CAMKMT: variants seen among roughly 807,000 people sequenced by gnomAD.
CAMKMT encodes the protein calmodulin-lysine N-methyltransferase.
Under a neutral mutation model 48.0 loss-of-function variants are expected in CAMKMT, and 53 were observed. That is an observed-to-expected ratio of 1.10 (90% CI 0.89 to 1.39). The LOEUF (loss-of-function observed/expected upper bound fraction) is 1.39. Among genes scored for constraint, CAMKMT ranks in the 40% most tolerant of loss-of-function variants. The probability of loss-of-function intolerance (pLI) is 0.00; values close to 1 mark genes in which losing one functional copy is unlikely to be tolerated. For synonymous variants in CAMKMT, 165 were observed against 152.3 expected (o/e 1.08, Z -0.61); for missense variants, 428 against 402.7 (o/e 1.06, Z -0.54).
At chr2:44,712,082 G>A (rs1320275635) in intron 6 of CAMKMT, among the ~76,000 whole-genome samples, 1 of 151,914 alleles carries the variant, frequency 6.6e-6, no homozygotes, top group Non-Finnish European at 1.5e-5. Flanking sequence ...TACCTCTATG[G>A]TATCTTCTCA....
intron 7 of CAMKMT, among the ~76,000 whole-genome samples, chr2:44,738,146 G>A (rs943800296): frequency 3.3e-5 from 5 of 152,066 alleles, no homozygotes; most frequent in East Asian, 1.9e-4. Flanking sequence ...GAGCCACCAT[G>A]CCTGGCCCCA....
chr2:44,673,510 G>GA (rs1374132701), intron 3 of CAMKMT, among the ~76,000 whole-genome samples: 1 of 114,536 alleles, frequency 8.7e-6, no homozygotes, highest in African/African-American at 3.4e-5. Context: ...AGGAAGGAAG[G>GA]AAGGAAGGAA....
intron 3 of CAMKMT, among the ~76,000 whole-genome samples, chr2:44,695,238 G>A (rs902544968): frequency 3.3e-5 from 5 of 152,042 alleles, no homozygotes; most frequent in African/African-American, 4.8e-5. Flanking sequence ...TGCATGTCAC[G>A]GAGGTCTGGT....
At chr2:44,376,609 G>T (rs1490852908) in intron 2 of CAMKMT, among the ~76,000 whole-genome samples, 1 of 152,084 alleles carries the variant, frequency 6.6e-6, no homozygotes, top group Admixed American at 6.5e-5. Flanking sequence ...TTAAACTTTT[G>T]CTACCCATTC....
intron 8 of CAMKMT, 52 bp from the exon 9 acceptor site, chr2:44,754,003 T>C: frequency 3.8e-6 from 5 of 1,320,252 alleles, no homozygotes; most frequent in Non-Finnish European, 5.5e-6. Context: ...ATTAGTATCA[T>C]TAGACTTGAA....
intron 9 of CAMKMT, among the ~76,000 whole-genome samples, chr2:44,756,160 G>A (rs1281394842): frequency 6.6e-6 from 1 of 152,198 alleles, no homozygotes. Flanking sequence ...GACCACAGAA[G>A]GACCATGTGG....
At chr2:44,603,053 C>CACAT (rs1553423791) in intron 3 of CAMKMT, among the ~76,000 whole-genome samples, 7 of 151,682 alleles carry the variant, frequency 4.6e-5, no homozygotes, top group African/African-American at 1.7e-4. Flanking sequence ...CACACACACA[C>CACAT]ATATATAGAT....
At position 44,570,091 on chromosome 2, in the gene CAMKMT, T is replaced by G. The variant is rs148257299; in HGVS notation, c.377-134192T>G. ...TATCAGGTATTTCATAAAGCCAGGA[T>G]AAATGTATTTAACAGAAAATATCCA... On this transcript the variant is annotated intron_variant, in intron 3 of 10. Transcript: ENST00000378494. 1.1e-3 allele frequency among the ~76,000 whole-genome samples: 175 copies of G among 152,306 alleles called. 2 individuals are homozygous for G. In the East Asian group the frequency reaches 0.025, roughly 22 times the overall value.
At chr2:44,698,457 A>G (rs936292930) in intron 3 of CAMKMT, among the ~76,000 whole-genome samples, 17 of 152,392 alleles carry the variant, frequency 1.1e-4, no homozygotes, top group Admixed American at 3.9e-4. Flanking sequence ...CAATAAAGTA[A>G]GTCACACAAA....
intron 3 of CAMKMT, among the ~76,000 whole-genome samples, chr2:44,603,456 T>G (rs947058056): frequency 2.4e-4 from 37 of 152,208 alleles, no homozygotes; most frequent in African/African-American, 7.5e-4. Flanking sequence ...TATAACTGGA[T>G]CAGCTATATA....
intron 3 of CAMKMT, among the ~76,000 whole-genome samples, chr2:44,630,333 C>G (rs1278906305): frequency 6.6e-6 from 1 of 152,154 alleles, no homozygotes. Flanking sequence ...GACACAGGCA[C>G]GGGGAAGGAC....
rs941146843 is a variant in CAMKMT, at chr2:44,658,304, A to G, written c.377-45979A>G. 2.0e-5 allele frequency among the ~76,000 whole-genome samples: 3 copies of G among 152,236 alleles called. No homozygotes were observed. The East Asian group carries it at 5.8e-4, about 29-fold the overall frequency. ...AATGTCCATTTAGAGCACTAAAAAT[A>G]TCTTTGTAGGTAGTTGATATTACTT... is the stretch of plus-strand genomic sequence containing the variant. On this transcript the variant is annotated intron_variant, in intron 3 of 10. Transcript: ENST00000378494.
At chr2:44,689,311 T>TA (rs10692752) in intron 3 of CAMKMT, among the ~76,000 whole-genome samples, 35 of 151,284 alleles carry the variant, frequency 2.3e-4, no homozygotes, top group East Asian at 7.7e-4. Flanking sequence ...TTTATTTATT[T>TA]TGAGACAGGG....
At chr2:44,411,135 T>G (rs1178185789) in intron 3 of CAMKMT, among the ~76,000 whole-genome samples, 4 of 152,222 alleles carry the variant, frequency 2.6e-5, no homozygotes. Flanking sequence ...AAAATACTTC[T>G]CTTGTTTGAA....
chr2:44,603,140 G>T (rs6718321), intron 3 of CAMKMT, among the ~76,000 whole-genome samples: 61,422 of 151,854 alleles, frequency 0.4, 14,550 homozygotes, highest in Middle Eastern at 0.55. Context: ...CCAGGCTGGA[G>T]TGCAGCAGCA....
chr2:44,543,015 A>C (rs1231816880), intron 3 of CAMKMT, among the ~76,000 whole-genome samples: 1 of 152,238 alleles, frequency 6.6e-6, no homozygotes, highest in Non-Finnish European at 1.5e-5. Context: ...GAGTTTAAGT[A>C]TCATATAGCT....
chr2:44,758,883 G>A (rs987059500), intron 9 of CAMKMT, among the ~76,000 whole-genome samples: 4 of 152,184 alleles, frequency 2.6e-5, no homozygotes, highest in African/African-American at 9.7e-5. Flanking sequence ...AATGACTTTG[G>A]GTACAGGGAG....
intron 3 of CAMKMT, among the ~76,000 whole-genome samples, chr2:44,573,432 G>A (rs6718818): frequency 0.65 from 97,943 of 151,758 alleles, 32,088 homozygotes; most frequent in Admixed American, 0.71. Context: ...TACCTATGTA[G>A]TGACTTTAAT....
At chr2:44,641,833 T>C (rs1572978772) in intron 3 of CAMKMT, among the ~76,000 whole-genome samples, 6 of 152,308 alleles carry the variant, frequency 3.9e-5, no homozygotes, top group Admixed American at 2.6e-4. Flanking sequence ...GCTGGGATTA[T>C]AGGCGTGAGC....
Sources: gnomAD v4.1 joint callset for allele counts (sites outside exome capture counted in the v4.1 genomes callset) on GRCh38, gnomAD v4.1.1 for gene constraint, MANE v1.5 for transcripts, NCBI Gene and HGNC (gene_info 2026-07-23, HGNC 2026-07-21) for gene names.